ZNF333: variants seen among roughly 807,000 people sequenced by gnomAD.
The protein encoded by ZNF333 is zinc finger protein 333.
A neutral mutation model predicts 76.1 loss-of-function variants in ZNF333; 61 were observed. The observed-to-expected ratio is 0.80, with a 90% CI of 0.65 to 0.99. The LOEUF is 0.99. Among genes scored for constraint, ZNF333 ranks in the 50% least tolerant of loss-of-function variants. ZNF333 has a pLI of 0.00. For synonymous variants in ZNF333, 284 were observed against 305.0 expected (o/e 0.93, Z 0.72); for missense variants, 717 against 822.4 (o/e 0.87, Z 1.57).
At chr19:14,717,869 G>T in intron 11 of ZNF333, 136 bp downstream of exon 11, 1 of 812,392 alleles carries the variant, frequency 1.2e-6, no homozygotes, top group Non-Finnish European at 1.9e-6. Flanking sequence ...GCAGTTTCTT[G>T]GGAGAGAGTC....
intron 1 of ZNF333, among the ~76,000 whole-genome samples, chr19:14,690,985 C>T (rs1482606201): frequency 3.3e-5 from 5 of 152,030 alleles, no homozygotes; most frequent in Non-Finnish European, 5.9e-5. Flanking sequence ...CCCAACTACT[C>T]GGGAGGCTGA....
chr19:14,708,099 C>T, intron 7 of ZNF333: 3 of 385,982 alleles, frequency 7.8e-6, no homozygotes, highest in Non-Finnish European at 1.4e-5. Context: ...CCTCTGCCTC[C>T]CGGGTTCAAG....
intron 5 of ZNF333, among the ~76,000 whole-genome samples, chr19:14,703,746 G>A (rs1209042291): frequency 6.6e-6 from 1 of 152,164 alleles, no homozygotes; most frequent in Admixed American, 6.5e-5. Flanking sequence ...GGGGATAGGT[G>A]CTGTCCCTGG....
At chr19:14,710,560 T>A (rs1365892158) in intron 7 of ZNF333, among the ~76,000 whole-genome samples, 1 of 152,182 alleles carries the variant, frequency 6.6e-6, no homozygotes, top group Non-Finnish European at 1.5e-5. Context: ...GGTAGATCAC[T>A]TGAGGCTGGG....
chr19:14,709,709 T>C (rs71334736), intron 7 of ZNF333, among the ~76,000 whole-genome samples: 24,933 of 152,226 alleles, frequency 0.16, 2,337 homozygotes, highest in Middle Eastern at 0.25. Flanking sequence ...CTCTCGCCCA[T>C]GTGAGGACAC....
chr19:14,717,418 T>C (rs997449808), intron 10 of ZNF333: 35 of 555,814 alleles, frequency 6.3e-5, no homozygotes, highest in African/African-American at 6.0e-4. Flanking sequence ...CCTTTTTTGG[T>C]AAATTACCTA....
At chr19:14,701,996 G>A (rs1284763138) in intron 5 of ZNF333, 1 of 776,510 alleles carries the variant, frequency 1.3e-6, no homozygotes, top group Non-Finnish European at 1.6e-6. Flanking sequence ...CCTGCTGCTG[G>A]GTTGATGGTG....
chr19:14,710,649 A>G (rs974684381), intron 7 of ZNF333, among the ~76,000 whole-genome samples: 6 of 152,296 alleles, frequency 3.9e-5, no homozygotes, highest in Non-Finnish European at 4.4e-5. Flanking sequence ...ATGGTGGTGC[A>G]TGTCTGTAAT....
In ZNF333 at chr19:14,712,069, G is replaced by T. The variant is rs540730209; in HGVS notation, c.512-3313G>T. ...GGAGAGGGGCTTGGGGGTGAGTACC[G>T]CCATGTAGAGACGTCATCACTATTT... On this transcript the variant is annotated intron_variant, in intron 7 of 11. Coordinates refer to ENST00000292530, the MANE Select transcript of ZNF333 (RefSeq NM_032433.4). Among the ~76,000 whole-genome samples the T allele has an allele frequency of 3.3e-5, 5 of 152,144 alleles. No homozygotes were observed. The South Asian group carries it at 1.0e-3, about 32-fold the overall frequency.
intron 3 of ZNF333, 34 bp downstream of exon 3, chr19:14,695,167 G>T (rs1448380522): frequency 6.2e-7 from 1 of 1,603,450 alleles, no homozygotes; most frequent in African/African-American, 1.3e-5. Context: ...CTTCCTGTAC[G>T]CAGGCACTAA....
intron 7 of ZNF333, among the ~76,000 whole-genome samples, chr19:14,712,583 G>A (rs2042308930): frequency 6.6e-6 from 1 of 151,950 alleles, no homozygotes; most frequent in Non-Finnish European, 1.5e-5. Flanking sequence ...CGAAATTAAG[G>A]TGTCGACAGG....
At chr19:14,702,960 T>C (rs188635236) in intron 5 of ZNF333, among the ~76,000 whole-genome samples, 10 of 151,486 alleles carry the variant, frequency 6.6e-5, no homozygotes, top group Admixed American at 5.9e-4. Context: ...ATCCCAGCAC[T>C]TTGGGAGGCC....
chr19:14,706,564 C>T (rs1599722026), intron 6 of ZNF333, 122 bp from the exon 7 acceptor site: 3 of 790,018 alleles, frequency 3.8e-6, no homozygotes, highest in Non-Finnish European at 6.6e-6. Flanking sequence ...GGGTCTCTCT[C>T]TTCTTTTATT....
downstream of ZNF333, chr19:14,721,914 G>A (rs2042593622): frequency 6.6e-6 from 1 of 152,198 alleles, no homozygotes; most frequent in Non-Finnish European, 1.5e-5. Flanking sequence ...GTGGACATAG[G>A]TATTCATTTC....
At chr19:14,694,605 G>A (rs1406815976) in intron 2 of ZNF333, among the ~76,000 whole-genome samples, 2 of 152,224 alleles carry the variant, frequency 1.3e-5, no homozygotes, top group African/African-American at 4.8e-5. Flanking sequence ...TCCCAAATTT[G>A]TGATGCTGTG....
chr19:14,707,953 C>T lies in ZNF333; in HGVS notation c.511+1180C>T, dbSNP rs2042163652. 6 of 401,066 alleles carry T rather than the reference C, an allele frequency of 1.5e-5. No homozygotes were observed. The East Asian group carries it at 2.1e-4, about 14-fold the overall frequency. 24.8% of individuals were successfully genotyped at this position (401,066 alleles called of 1,614,324 possible). A position where few individuals can be genotyped will look rare whatever the true frequency, so the allele number is the denominator to read the frequency against. On this transcript the variant is annotated intron_variant, in intron 7 of 11. Coordinates refer to ENST00000292530, the MANE Select transcript of ZNF333 (RefSeq NM_032433.4). ...TAGATCTAAGTCTTGTGTTGCTCTT[C>T]AGTATATTTTTGGTAAGTCTTCTGG...
intron 11 of ZNF333, among the ~76,000 whole-genome samples, chr19:14,729,360 CT>C (rs59225167): frequency 0.052 from 7,667 of 146,818 alleles, 218 homozygotes; most frequent in Middle Eastern, 0.073. Context: ...AAACGATACA[CT>C]TTTTTTTTTT....
chr19:14,690,558 A>G (rs1972683413), intron 1 of ZNF333, among the ~76,000 whole-genome samples: 1 of 152,182 alleles, frequency 6.6e-6, no homozygotes, highest in Non-Finnish European at 1.5e-5. Context: ...ATGATACTTA[A>G]TATTATCTAG....
chr19:14,726,521 C>T (rs1389362359), downstream of ZNF333, among the ~76,000 whole-genome samples: 1 of 152,098 alleles, frequency 6.6e-6, no homozygotes, highest in Non-Finnish European at 1.5e-5. Flanking sequence ...CTCTGCTTCC[C>T]TTTTTAAATA....
Sources: allele counts gnomAD v4.1 joint callset (sites outside exome capture counted in the v4.1 genomes callset), GRCh38; gene constraint gnomAD v4.1.1; transcripts MANE v1.5; gene names NCBI Gene and HGNC (gene_info 2026-07-23, HGNC 2026-07-21).